Variants in TTLL5 observed in about 807,000 individuals in gnomAD.
The protein encoded by TTLL5 is tubulin polyglutamylase TTLL5.
TTLL5 carries 132 observed loss-of-function variants against 168.4 expected under a neutral mutation model. That is an observed-to-expected ratio of 0.78 (90% CI 0.68 to 0.91). The LOEUF is 0.91. Ranked by LOEUF, TTLL5 falls within the 40% of genes least tolerant of loss-of-function variation. The pLI, the probability that TTLL5 is intolerant of heterozygous loss-of-function variation, is 0.00. For synonymous variants in TTLL5, 546 were observed against 558.6 expected, an observed-to-expected ratio of 0.98 and a Z score of 0.32; for missense variants, 1,545 against 1,581.5, an observed-to-expected ratio of 0.98 and a Z score of 0.39.
chr14:75,939,410 C>G, intron 31 of TTLL5, among the ~76,000 whole-genome samples: 1 of 152,112 alleles, frequency 6.6e-6, no homozygotes, highest in East Asian at 1.9e-4. Context: ...TTTGTTTAGA[C>G]AGCTTTACTC....
At chr14:75,822,634 A>C (rs1894895906) in intron 28 of TTLL5, among the ~76,000 whole-genome samples, 1 of 152,134 alleles carries the variant, frequency 6.6e-6, no homozygotes, top group South Asian at 2.1e-4. Flanking sequence ...ACTCACAAGA[A>C]CTCTGCAAAT....
intron 29 of TTLL5, among the ~76,000 whole-genome samples, chr14:75,876,299 C>T (rs1029843432): frequency 2.0e-5 from 3 of 152,322 alleles, no homozygotes; most frequent in East Asian, 1.9e-4. Context: ...TTGTAATTAT[C>T]TTCATTGCTT....
chr14:75,883,102 A>G (rs914597531), intron 30 of TTLL5, among the ~76,000 whole-genome samples, 200 bp downstream of exon 30: 1 of 152,250 alleles, frequency 6.6e-6, no homozygotes, highest in African/African-American at 2.4e-5. Flanking sequence ...AGCAGATGGC[A>G]GGGCTTTACC....
At chr14:75,746,560 T>TC (rs1287328766) in intron 17 of TTLL5, among the ~76,000 whole-genome samples, 4 of 144,228 alleles carry the variant, frequency 2.8e-5, no homozygotes, top group Middle Eastern at 3.6e-3. Context: ...TTCTTTTCTT[T>TC]TTTTTTTTTT....
At chr14:75,805,286 C>A (rs533809300) in intron 27 of TTLL5, among the ~76,000 whole-genome samples, 145 of 152,328 alleles carry the variant, frequency 9.5e-4, no homozygotes, top group Non-Finnish European at 1.5e-3. Flanking sequence ...CTTCCTCCTG[C>A]TCTCCCTGAA....
chr14:75,904,298 C>A (rs1203827678), intron 31 of TTLL5: 6 of 1,037,784 alleles, frequency 5.8e-6, no homozygotes, highest in African/African-American at 5.2e-5. Flanking sequence ...TTGTTATGAA[C>A]TGCGAAGTAA....
chr14:75,871,299 A>G (rs2139982559), intron 29 of TTLL5, among the ~76,000 whole-genome samples: 1 of 152,234 alleles, frequency 6.6e-6, no homozygotes. Context: ...TGTGCACCAG[A>G]TGTAGTCTTA....
intron 26 of TTLL5, among the ~76,000 whole-genome samples, chr14:75,787,919 G>C (rs1292428141): frequency 1.3e-5 from 2 of 152,152 alleles, no homozygotes; most frequent in African/African-American, 4.8e-5. Context: ...TTAAGTTTTA[G>C]AACTGAATGA....
chr14:75,751,894 C>T (rs970190530), intron 17 of TTLL5, among the ~76,000 whole-genome samples: 3 of 152,124 alleles, frequency 2.0e-5, no homozygotes, highest in Non-Finnish European at 4.4e-5. Flanking sequence ...CAGAGCAGCC[C>T]CGAGGGCCGC....
intron 18 of TTLL5, 27 bp from the exon 19 acceptor site, chr14:75,764,588 A>G (rs1218872838): frequency 8.7e-6 from 14 of 1,612,582 alleles, no homozygotes; most frequent in South Asian, 2.2e-5. Context: ...TCTGAAGGCC[A>G]TAGCTACCAT....
chr14:75,787,074 A>G (rs1892411248), intron 26 of TTLL5, among the ~76,000 whole-genome samples: 1 of 152,158 alleles, frequency 6.6e-6, no homozygotes, highest in Admixed American at 6.5e-5. Context: ...CAGAGGTTGA[A>G]GTGAGCCAAG....
At chr14:75,768,344 G>T (rs928676025) in intron 20 of TTLL5, among the ~76,000 whole-genome samples, 4 of 152,148 alleles carry the variant, frequency 2.6e-5, no homozygotes, top group African/African-American at 9.7e-5. Context: ...GAGACTTCTG[G>T]ATTTGTGACC....
intron 31 of TTLL5, among the ~76,000 whole-genome samples, chr14:75,939,023 C>T (rs2034516003): frequency 6.6e-6 from 1 of 152,172 alleles, no homozygotes; most frequent in African/African-American, 2.4e-5. Flanking sequence ...GTGTCCCTTC[C>T]CAACTCTGCC....
At chr14:75,771,889 C>G (rs866506313) in intron 21 of TTLL5, 35 bp downstream of exon 21, 1 of 1,566,646 alleles carries the variant, frequency 6.4e-7, no homozygotes, top group Non-Finnish European at 8.6e-7. Flanking sequence ...TTTTACTTTC[C>G]CTTTTTCTTT....
intron 27 of TTLL5, among the ~76,000 whole-genome samples, chr14:75,819,086 A>G (rs1053853494): frequency 4.6e-5 from 7 of 152,148 alleles, no homozygotes; most frequent in African/African-American, 1.2e-4. Context: ...ACTTGTGGCA[A>G]TTTAAATGAG....
At chr14:75,781,957 CAAAAAAAAAAA>C (rs11350842) in intron 24 of TTLL5, among the ~76,000 whole-genome samples, 9 of 69,472 alleles carry the variant, frequency 1.3e-4, no homozygotes, top group Non-Finnish European at 2.3e-4. Flanking sequence ...AAACTTTGTT[CAAAAAAAAAAA>C]AAAAAAAAAA....
At chr14:75,803,902 G>GGGAGC (rs1437469406) in intron 27 of TTLL5, among the ~76,000 whole-genome samples, 3 of 152,216 alleles carry the variant, frequency 2.0e-5, no homozygotes, top group Admixed American at 1.3e-4. Flanking sequence ...GGGAATCAGA[G>GGGAGC]GGAGCGCTGG....
intron 21 of TTLL5, among the ~76,000 whole-genome samples, chr14:75,773,608 G>A (rs1477498312): frequency 6.6e-6 from 1 of 151,982 alleles, no homozygotes; most frequent in Non-Finnish European, 1.5e-5. Context: ...ATATATCTAG[G>A]CTGGGTGCGG....
chr14:75,709,088 A>T, intron 9 of TTLL5: 2 of 681,338 alleles, frequency 2.9e-6, no homozygotes, highest in South Asian at 1.5e-5. Context: ...CAAGCTTGTT[A>T]TAAAGCATAG....
Sources: allele counts gnomAD v4.1 joint callset (sites outside exome capture counted in the v4.1 genomes callset), GRCh38; gene constraint gnomAD v4.1.1; transcripts MANE v1.5; gene names NCBI Gene and HGNC (gene_info 2026-07-23, HGNC 2026-07-21).